Variants in EXOC4 observed in about 807,000 individuals in gnomAD.
The protein encoded by EXOC4 is SEC8-like 1.
In EXOC4, 71 loss-of-function variants were observed where a neutral mutation model predicts 107.2. The ratio of observed to expected loss-of-function variants is 0.66; its 90% CI spans 0.55 to 0.81. EXOC4 has a LOEUF of 0.81. Ranked by LOEUF, EXOC4 falls within the 30% of genes least tolerant of loss-of-function variation. EXOC4 has a pLI of 0.00. For synonymous variants in EXOC4, 456 were observed against 441.2 expected (o/e 1.03, Z -0.42); for missense variants, 1,108 against 1,189.6 (o/e 0.93, Z 1.01).
chr7:133,700,218 G>A (rs1265909001), intron 10 of EXOC4, among the ~76,000 whole-genome samples: 1 of 152,150 alleles, frequency 6.6e-6, no homozygotes, highest in African/African-American at 2.4e-5. Context: ...GTGCTAAAGT[G>A]CATAGTACCA....
chr7:133,586,811 C>T (rs1007654618), intron 9 of EXOC4, among the ~76,000 whole-genome samples: 1 of 151,980 alleles, frequency 6.6e-6, no homozygotes, highest in African/African-American at 2.4e-5. Flanking sequence ...GTTATGGGCT[C>T]TTTGTATTCC....
intron 9 of EXOC4, among the ~76,000 whole-genome samples, chr7:133,526,464 C>A (rs1800080549): frequency 6.6e-6 from 1 of 152,048 alleles, no homozygotes; most frequent in African/African-American, 2.4e-5. Flanking sequence ...AAAACAAGAA[C>A]AAACAAAGAT....
At chr7:133,478,198 G>C (rs1160996678) in intron 8 of EXOC4, among the ~76,000 whole-genome samples, 1 of 149,470 alleles carries the variant, frequency 6.7e-6, no homozygotes, top group Admixed American at 6.7e-5. Flanking sequence ...GCAGAAAACA[G>C]GCTTTAGGGT....
chr7:134,029,030 A>G (rs1211806480), intron 17 of EXOC4, among the ~76,000 whole-genome samples: 1 of 152,176 alleles, frequency 6.6e-6, no homozygotes, highest in Non-Finnish European at 1.5e-5. Flanking sequence ...TGATGATAAG[A>G]CACCCACCCA....
intron 10 of EXOC4, among the ~76,000 whole-genome samples, chr7:133,651,551 C>T (rs988862942): frequency 5.3e-5 from 8 of 152,132 alleles, no homozygotes; most frequent in African/African-American, 1.9e-4. Flanking sequence ...TGCTTAGCCT[C>T]ATAGCATTAA....
chr7:134,073,227 A>AAAAAAAAAAAAAAAAG, the EXOC4 span, among the ~76,000 whole-genome samples: 15 of 18,110 alleles, frequency 8.3e-4, no homozygotes, highest in African/African-American at 4.3e-3. Context: ...AAAAAAAAAA[A>AAAAAAAAAAAAAAAAG]AAAAACAACA....
chr7:133,629,530 T>TTTTGTTTTGTTTGTTTG (rs368663397), intron 9 of EXOC4, among the ~76,000 whole-genome samples: 16 of 149,740 alleles, frequency 1.1e-4, no homozygotes, highest in East Asian at 6.0e-4. Context: ...TTTTGTTTTG[T>TTTTGTTTTGTTTGTTTG]TTTGTTTGTT....
At chr7:133,259,282 G>T (rs1795088697) in intron 1 of EXOC4, among the ~76,000 whole-genome samples, 1 of 149,902 alleles carries the variant, frequency 6.7e-6, no homozygotes, top group Non-Finnish European at 1.5e-5. Context: ...ACCTAGGCTG[G>T]AGTGCAGTGG....
intron 9 of EXOC4, among the ~76,000 whole-genome samples, chr7:133,490,946 G>A (rs753075691): frequency 6.6e-6 from 1 of 152,134 alleles, no homozygotes; most frequent in Non-Finnish European, 1.5e-5. Context: ...GGTAGCTGAG[G>A]CTGGAAATAT....
intron 10 of EXOC4, among the ~76,000 whole-genome samples, chr7:133,808,606 C>G (rs998347503): frequency 6.6e-6 from 1 of 152,100 alleles, no homozygotes; most frequent in African/African-American, 2.4e-5. Flanking sequence ...GGGGCGCCTT[C>G]TTTCTGCAGA....
intron 7 of EXOC4, among the ~76,000 whole-genome samples, chr7:133,393,927 A>G (rs1796912675): frequency 6.6e-6 from 1 of 152,206 alleles, no homozygotes; most frequent in Non-Finnish European, 1.5e-5. Context: ...TCATAAAGCT[A>G]CGAAGGTTTG....
At chr7:134,010,690 A>G (rs770361911) in intron 17 of EXOC4, among the ~76,000 whole-genome samples, 1 of 152,210 alleles carries the variant, frequency 6.6e-6, no homozygotes, top group African/African-American at 2.4e-5. Flanking sequence ...GCAAATCTCT[A>G]TAGGAATGTT....
At chr7:133,489,350 ATTT>A (rs1563084795) in intron 9 of EXOC4, among the ~76,000 whole-genome samples, 1 of 152,186 alleles carries the variant, frequency 6.6e-6, no homozygotes, top group Non-Finnish European at 1.5e-5. Context: ...GATATAAACA[ATTT>A]TTTAAGAAGC....
intron 17 of EXOC4, among the ~76,000 whole-genome samples, chr7:134,048,729 C>A (rs188332349): frequency 6.6e-6 from 1 of 152,162 alleles, no homozygotes; most frequent in Non-Finnish European, 1.5e-5. Flanking sequence ...AGGAGACATA[C>A]TAGAGGTGAG....
chr7:133,568,388 G>A (rs1800951867), intron 9 of EXOC4, among the ~76,000 whole-genome samples: 1 of 151,790 alleles, frequency 6.6e-6, no homozygotes, highest in Non-Finnish European at 1.5e-5. Flanking sequence ...ACTTTTCTTC[G>A]ATGGATTCTA....
chr7:133,623,327 T>C (rs1802377092), intron 9 of EXOC4, among the ~76,000 whole-genome samples: 1 of 152,210 alleles, frequency 6.6e-6, no homozygotes, highest in African/African-American at 2.4e-5. Flanking sequence ...GTAATCAATA[T>C]ACTTTTTCAG....
intron 10 of EXOC4, among the ~76,000 whole-genome samples, chr7:133,767,200 A>G (rs1796156650): frequency 6.6e-6 from 1 of 151,776 alleles, no homozygotes; most frequent in Non-Finnish European, 1.5e-5. Context: ...CACTCTCCCT[A>G]ATTTACATCA....
intron 9 of EXOC4, among the ~76,000 whole-genome samples, chr7:133,555,366 T>C (rs1800671821): frequency 6.6e-6 from 1 of 152,206 alleles, no homozygotes; most frequent in Non-Finnish European, 1.5e-5. Flanking sequence ...GAGTAATATG[T>C]ATATGTTCCT....
At chr7:133,266,038 A>T (rs1793724197) in intron 1 of EXOC4, among the ~76,000 whole-genome samples, 1 of 152,170 alleles carries the variant, frequency 6.6e-6, no homozygotes, top group Non-Finnish European at 1.5e-5. Flanking sequence ...GGGCTGCCAT[A>T]ACAAAACACC....
Sources: allele counts gnomAD v4.1 joint callset (sites outside exome capture counted in the v4.1 genomes callset), GRCh38; gene constraint gnomAD v4.1.1; transcripts MANE v1.5; gene names NCBI Gene and HGNC (gene_info 2026-07-23, HGNC 2026-07-21).